FILIP1L: variants seen among roughly 807,000 people sequenced by gnomAD.
FILIP1L encodes filamin A interacting protein 1 like.
In FILIP1L, 55 loss-of-function variants were observed where a neutral mutation model predicts 96.6. The ratio of observed to expected loss-of-function variants is 0.57; its 90% confidence interval spans 0.46 to 0.71. FILIP1L has a LOEUF of 0.71. Ranked by LOEUF, FILIP1L falls within the 30% of genes least tolerant of loss-of-function variation. The probability of loss-of-function intolerance (pLI) is 0.00; values close to 1 mark genes in which losing one functional copy is unlikely to be tolerated. For missense variants in FILIP1L, 1,304 were observed against 1,321.2 expected (o/e 0.99, Z 0.20); for synonymous variants, 467 against 473.9 (o/e 0.99, Z 0.19).
chr3:99,848,364 G>T lies in FILIP1L; in HGVS notation c.3312C>A (p.Thr1104=). Residue 1104 remains threonine, a synonymous_variant, in exon 5 of 6, where the codon ACC becomes ACA. Coordinates refer to ENST00000477258, the MANE Select transcript of FILIP1L (RefSeq NM_001387850.1). ...GLINGALNKT[T]NKVTSSITIT... ...TAGTAATACTGCTGGTGACTTTATT[G>T]GTTGTTTTGTTTAGTGCCCCGTTAA... 3 of 1,614,140 alleles carry T rather than the reference G, an allele frequency of 1.9e-6. No individual in the cohort carries two copies. In the East Asian group the frequency reaches 6.7e-5, roughly 36 times the overall value.
intron 1 of FILIP1L, among the ~76,000 whole-genome samples, chr3:100,024,695 C>G (rs2064886365): frequency 6.6e-6 from 1 of 152,168 alleles, no homozygotes; most frequent in Admixed American, 6.5e-5. Flanking sequence ...TCTAGCCTCT[C>G]TTATTCAGCA....
At chr3:100,109,546 T>G (rs535464470) in intron 1 of FILIP1L, among the ~76,000 whole-genome samples, 31 of 151,878 alleles carry the variant, frequency 2.0e-4, no homozygotes, top group African/African-American at 7.0e-4. Flanking sequence ...TTTTTGGGGG[T>G]TTTTTCCCAC....
chr3:100,036,694 A>G (rs573277000), intron 1 of FILIP1L, among the ~76,000 whole-genome samples: 1 of 152,348 alleles, frequency 6.6e-6, no homozygotes, highest in African/African-American at 2.4e-5. Flanking sequence ...TCAGTGAGGA[A>G]CAGGATATTT....
At chr3:100,106,772 G>A (rs1029903382) in intron 1 of FILIP1L, among the ~76,000 whole-genome samples, 3 of 152,104 alleles carry the variant, frequency 2.0e-5, no homozygotes, top group African/African-American at 7.2e-5. Flanking sequence ...TCTAACTGGT[G>A]GTTGTACTAC....
intron 4 of FILIP1L, among the ~76,000 whole-genome samples, chr3:99,879,470 A>G (rs1377505806): frequency 6.6e-6 from 1 of 152,232 alleles, no homozygotes; most frequent in East Asian, 1.9e-4. Context: ...TGCTAATCAC[A>G]TCAAGCCAGT....
chr3:100,098,684 G>A (rs1021265601), intron 1 of FILIP1L, among the ~76,000 whole-genome samples: 1 of 152,158 alleles, frequency 6.6e-6, no homozygotes. Flanking sequence ...ATGCCTCACT[G>A]TGTAGCATAG....
intron 4 of FILIP1L, among the ~76,000 whole-genome samples, chr3:99,868,878 T>C (rs1944645833): frequency 1.3e-5 from 2 of 152,214 alleles, no homozygotes; most frequent in African/African-American, 4.8e-5. Context: ...ATTACCTAAA[T>C]ATTCTACATT....
chr3:99,939,349 G>C (rs2107674411), intron 1 of FILIP1L, among the ~76,000 whole-genome samples: 1 of 152,274 alleles, frequency 6.6e-6, no homozygotes, highest in Middle Eastern at 3.4e-3. Context: ...ACTAAAGCAA[G>C]CCAAGCTACT....
intron 1 of FILIP1L, among the ~76,000 whole-genome samples, chr3:100,069,232 T>G (rs1374785316): frequency 6.6e-6 from 1 of 152,166 alleles, no homozygotes; most frequent in Non-Finnish European, 1.5e-5. Context: ...TTTCTGCACA[T>G]GGATGTTAGT....
chr3:100,098,735 A>G (rs2066255444), intron 1 of FILIP1L, among the ~76,000 whole-genome samples: 1 of 152,246 alleles, frequency 6.6e-6, no homozygotes, highest in Non-Finnish European at 1.5e-5. Context: ...TGCCGTATAC[A>G]GAGGTGGAAA....
At chr3:99,985,940 G>A (rs927622062) in intron 1 of FILIP1L, among the ~76,000 whole-genome samples, 2 of 152,024 alleles carry the variant, frequency 1.3e-5, no homozygotes, top group Non-Finnish European at 2.9e-5. Flanking sequence ...ACACATTGGG[G>A]GTTAAAGTCA....
chr3:100,092,520 T>C (rs1160603336), intron 1 of FILIP1L, among the ~76,000 whole-genome samples: 1 of 151,634 alleles, frequency 6.6e-6, no homozygotes, highest in Non-Finnish European at 1.5e-5. Flanking sequence ...TAAAGACAAA[T>C]TTCCTTAAAA....
At chr3:100,023,741 G>T (rs16841886) in intron 1 of FILIP1L, among the ~76,000 whole-genome samples, 2 of 152,056 alleles carry the variant, frequency 1.3e-5, no homozygotes, top group South Asian at 4.2e-4. Context: ...GCCTGGTCTC[G>T]CCATTGCAAA....
chr3:99,913,716 T>C (rs1706865175), intron 4 of FILIP1L, among the ~76,000 whole-genome samples: 1 of 152,146 alleles, frequency 6.6e-6, no homozygotes, highest in Non-Finnish European at 1.5e-5. Flanking sequence ...GAGTAGGAAG[T>C]GAGAGCAGGG....
chr3:99,881,776 GC>G (rs1323857367), intron 4 of FILIP1L, among the ~76,000 whole-genome samples: 4 of 152,176 alleles, frequency 2.6e-5, no homozygotes, highest in Non-Finnish European at 5.9e-5. Context: ...CAGGTGATCT[GC>G]CCGCCTCGGC....
chr3:99,966,099 A>G (rs946866366), intron 1 of FILIP1L, among the ~76,000 whole-genome samples: 3 of 152,214 alleles, frequency 2.0e-5, no homozygotes, highest in Non-Finnish European at 4.4e-5. Context: ...AGTGATATTT[A>G]CAGGGATATC....
chr3:99,973,828 G>C (rs1419872103), intron 1 of FILIP1L, among the ~76,000 whole-genome samples: 1 of 152,142 alleles, frequency 6.6e-6, no homozygotes, highest in Non-Finnish European at 1.5e-5. Flanking sequence ...TCCTAGGCCT[G>C]GTGTTTGTTG....
chr3:99,918,289 A>G (rs940127090), intron 4 of FILIP1L, among the ~76,000 whole-genome samples: 3 of 152,042 alleles, frequency 2.0e-5, no homozygotes, highest in Non-Finnish European at 4.4e-5. Context: ...TGTTTTATAT[A>G]CCAGAAAACT....
At chr3:99,980,664 A>G (rs1339895723) in intron 1 of FILIP1L, among the ~76,000 whole-genome samples, 2 of 152,184 alleles carry the variant, frequency 1.3e-5, no homozygotes, top group Non-Finnish European at 2.9e-5. Context: ...TATCATTTTT[A>G]TAAGATTGTT....
Sources: allele counts gnomAD v4.1 joint callset (sites outside exome capture counted in the v4.1 genomes callset), GRCh38; gene constraint gnomAD v4.1.1; transcripts MANE v1.5; gene names NCBI Gene and HGNC (gene_info 2026-07-23, HGNC 2026-07-21).